Variants in RAB3GAP1 observed in about 807,000 individuals in gnomAD.
RAB3GAP1 encodes rab3 GTPase-activating protein catalytic subunit.
A neutral mutation model predicts 130.7 loss-of-function variants in RAB3GAP1; 86 were observed. The observed-to-expected ratio is 0.66, with a 90% CI of 0.55 to 0.79. The LOEUF (loss-of-function observed/expected upper bound fraction) is 0.79, where lower values mean the gene tolerates loss of function less well. Ranked by LOEUF, RAB3GAP1 falls within the 30% of genes least tolerant of loss-of-function variation. The probability of loss-of-function intolerance (pLI) is 0.00; values close to 1 mark genes in which losing one functional copy is unlikely to be tolerated. For synonymous variants in RAB3GAP1, 367 were observed against 401.7 expected (o/e 0.91, Z 1.03); for missense variants, 1,029 against 1,169.4 (o/e 0.88, Z 1.75).
Position 135,091,043 on chromosome 2 carries a change from T to C in RAB3GAP1, c.196T>C (p.Ser66Pro). 1 of 1,612,162 alleles carries C rather than the reference T, an allele frequency of 6.2e-7. No homozygotes were observed. The highest frequency in any genetic ancestry group is 8.5e-7 in the Non-Finnish European group (1 of 1,178,446). The change falls in exon 4 of 24, where the codon TCC becomes CCC. Residue 66 changes from serine (S) to proline (P), a missense_variant. By Grantham distance (74) the Ser-to-Pro change is moderately conservative (BLOSUM62 -1). Transcript: ENST00000264158. ...ATGGGAAGAGAAATCAGATGAAATT[T>C]CCTTTGCTGACTTCAAGTTCTCAGT... is the stretch of plus-strand genomic sequence containing the variant. ...GTWEEKSDEISFADFKFSVTH... is the reference protein window; with the variant it reads ...GTWEEKSDEIPFADFKFSVTH...
Position 135,065,937 on chromosome 2 carries a change from A to T in RAB3GAP1, c.150+7851A>T, listed in dbSNP as rs1315080813. Among the ~76,000 whole-genome samples the T allele has an allele frequency of 4.0e-5, 6 of 150,534 alleles. No homozygotes were observed. In the East Asian group the frequency reaches 1.2e-3, roughly 29 times the overall value. ...AGGTGTGCGCCACCATGCCCAGCTA[A>T]TTTTTTTTTGTATTTTTAGTAGAGA... On this transcript the variant is annotated intron_variant, in intron 3 of 23. Coordinates refer to ENST00000264158, the MANE Select transcript of RAB3GAP1 (RefSeq NM_012233.3).
Position 135,132,921 on chromosome 2 carries a change from G to C in RAB3GAP1, c.1263G>C (p.Glu421Asp). 1 of 1,579,804 alleles carries C rather than the reference G, an allele frequency of 6.3e-7. No homozygotes were observed. Among genetic ancestry groups the C allele is most frequent in the Non-Finnish European group, 8.7e-7 (1 of 1,149,230 alleles). Residue 421 changes from glutamate (E) to aspartate (D), a missense_variant, in exon 14 of 24, where the codon GAG becomes GAC. By Grantham distance (45) the Glu-to-Asp change is conservative. Around this residue, in one of 3 missense-constraint regions of RAB3GAP1, gnomAD observed 510 missense variants for 532.1 expected, o/e 0.96. Coordinates refer to ENST00000264158, the MANE Select transcript of RAB3GAP1 (RefSeq NM_012233.3). ...TCTTATTCCCTGATGCTGTTTCTGA[G>C]AAACCATTAGATGGAACTACTTCAA... ...LLFLFPDAVS[E>D]KPLDGTTSTD...
chr2:135,117,594 GCTGCTTCTT>G (rs1208696921), intron 7 of RAB3GAP1, among the ~76,000 whole-genome samples: 35 of 19,150 alleles, frequency 1.8e-3, no homozygotes, highest in South Asian at 0.016. Context: ...TTCTTCTTCT[GCTGCTTCTT>G]CTGCTTCTTC....
downstream of RAB3GAP1, among the ~76,000 whole-genome samples, chr2:135,170,864 G>C (rs1692830434): frequency 6.6e-6 from 1 of 152,100 alleles, no homozygotes; most frequent in Admixed American, 6.5e-5. Context: ...CATTCCTCCA[G>C]CCCTGTGTGC....
At chr2:135,152,524 TGATTAA>T (rs989977001) in intron 18 of RAB3GAP1, among the ~76,000 whole-genome samples, 3 of 152,256 alleles carry the variant, frequency 2.0e-5, no homozygotes, top group African/African-American at 7.2e-5. Flanking sequence ...TGATGTTAAC[TGATTAA>T]GATCTAGATC....
At chr2:135,175,708 A>G (rs1692986690), downstream of RAB3GAP1, 1 of 152,184 alleles carries the variant, frequency 6.6e-6, no homozygotes, top group South Asian at 2.1e-4. Flanking sequence ...ATGTTGGGTC[A>G]CTTCTCAGGA....
intron 19 of RAB3GAP1, among the ~76,000 whole-genome samples, chr2:135,157,638 C>G (rs1692347519): frequency 6.6e-6 from 1 of 151,930 alleles, no homozygotes; most frequent in South Asian, 2.1e-4. Flanking sequence ...TCGAGACCAG[C>G]CTGACTAATG....
At chr2:135,076,002 C>T (rs1335390302) in intron 3 of RAB3GAP1, among the ~76,000 whole-genome samples, 2 of 151,568 alleles carry the variant, frequency 1.3e-5, no homozygotes, top group Non-Finnish European at 2.9e-5. Flanking sequence ...CCTTCGCCTC[C>T]TGCGTTGAAG....
Position 135,144,843 on chromosome 2 carries a change from G to A in RAB3GAP1, c.1924-5526G>A, listed in dbSNP as rs79820717. Among the ~76,000 whole-genome samples the A allele has an allele frequency of 7.0e-3, 1,060 of 152,218 alleles. 12 individuals carry two copies. The highest frequency in any genetic ancestry group is 0.024 in the African/African-American group (991 of 41,532). On this transcript the variant is annotated intron_variant, in intron 17 of 23. Coordinates refer to ENST00000264158, the MANE Select transcript of RAB3GAP1 (RefSeq NM_012233.3). ...AAAATGGTTCTTGTGTTGTAAATGC[G>A]GTATTCTCTCTTGCCTCTGAACTTT...
chr2:135,086,110 C>T (rs2104867249), intron 3 of RAB3GAP1, among the ~76,000 whole-genome samples: 1 of 152,094 alleles, frequency 6.6e-6, no homozygotes, highest in South Asian at 2.1e-4. Context: ...ATAACTATAC[C>T]ACAGTACACT....
intron 2 of RAB3GAP1, among the ~76,000 whole-genome samples, chr2:135,053,969 A>G (rs963992287): frequency 2.6e-5 from 4 of 152,196 alleles, no homozygotes; most frequent in East Asian, 1.9e-4. Flanking sequence ...GGGTAGAGAC[A>G]TAGGTGAGAA....
rs1188822572 is a variant in RAB3GAP1 at position 135,150,378 on chromosome 2, C to T, written c.1933C>T (p.Pro645Ser). ...LYIPVTQEPA[P>S]MTEDLLEEQS... Reference sequence around the variant, plus strand: ...CTTTTGTGCTTCACAGGAACCAGCACCTATGACAGAAGATCTGCTAGAAGA... The same window carrying T: ...CTTTTGTGCTTCACAGGAACCAGCATCTATGACAGAAGATCTGCTAGAAGA... Residue 645 changes from proline to serine, a missense_variant, in exon 18 of 24, where the codon CCT (proline) becomes TCT (serine). This residue lies in a region of RAB3GAP1 where 373 missense variants were observed against 493.6 expected (regional missense o/e 0.76). Transcript: ENST00000264158. 2 of 1,614,142 alleles carry T rather than the reference C, an allele frequency of 1.2e-6. No homozygotes were observed. The highest frequency in any genetic ancestry group is 4.5e-5 in the East Asian group (2 of 44,886).
chr2:135,136,053 C>T (rs900362663), intron 17 of RAB3GAP1, 121 bp downstream of exon 17: 44 of 1,325,432 alleles, frequency 3.3e-5, no homozygotes, highest in Admixed American at 3.2e-4. Context: ...AGGCCAGATG[C>T]GGTGGCTTAC....
At chr2:135,117,052 A>C (rs6741481) in intron 7 of RAB3GAP1, among the ~76,000 whole-genome samples, 1 of 151,854 alleles carries the variant, frequency 6.6e-6, no homozygotes, top group Non-Finnish European at 1.5e-5. Flanking sequence ...TAAAAAAAAA[A>C]TAATGCATTT....
chr2:135,089,756 T>A (rs76897990), intron 3 of RAB3GAP1: 4 of 280,968 alleles, frequency 1.4e-5, no homozygotes, highest in South Asian at 1.1e-4. Flanking sequence ...TATGCAGCCA[T>A]AAAAAAGGAT....
At chr2:135,121,730 A>G (rs1400627026) in intron 8 of RAB3GAP1, among the ~76,000 whole-genome samples, 2 of 152,190 alleles carry the variant, frequency 1.3e-5, no homozygotes, top group Non-Finnish European at 2.9e-5. Context: ...TTTACTGTTT[A>G]TTTTTGTTCC....
chr2:135,122,495 A>G (rs16831351), intron 8 of RAB3GAP1, among the ~76,000 whole-genome samples: 3,231 of 152,284 alleles, frequency 0.021, 97 homozygotes, highest in African/African-American at 0.071. Context: ...AAGATTGCCA[A>G]TAAGGTCTTT....
chr2:135,119,823 C>T (rs183031881), intron 7 of RAB3GAP1, among the ~76,000 whole-genome samples: 1 of 152,316 alleles, frequency 6.6e-6, no homozygotes, highest in East Asian at 1.9e-4. Context: ...CTGCATTTCA[C>T]AAGTTCCCTA....
rs200032699 is a variant in RAB3GAP1, at chr2:135,130,097, AT to A, written c.1066+19del. 679 of 1,572,834 alleles carry A rather than the reference AT, an allele frequency of 4.3e-4. No individual in the cohort carries two copies. The highest frequency in any genetic ancestry group is 7.9e-4 in the African/African-American group (58 of 73,640). On this transcript the variant is annotated intron_variant, in intron 12 of 23. Transcript: ENST00000264158. ...GAGGAAGAAGGCAAAGGTAACCTAC[AT>A]TTTTTTTTAACATTACTTTCAAATG... is the stretch of plus-strand genomic sequence containing the variant.
Sources: allele counts gnomAD v4.1 joint callset (sites outside exome capture counted in the v4.1 genomes callset), GRCh38; gene constraint gnomAD v4.1.1; regional missense constraint gnomAD v4.1.1; transcripts MANE v1.5; gene names NCBI Gene and HGNC (gene_info 2026-07-23, HGNC 2026-07-21).